The following CRACD variants were observed in gnomAD, a reference collection of about 807,000 sequenced individuals.
The protein encoded by CRACD is capping protein-inhibiting regulator of actin dynamics.
In CRACD, 56 loss-of-function variants were observed where a neutral mutation model predicts 106.8. The ratio of observed to expected loss-of-function variants is 0.52; its 90% CI spans 0.42 to 0.66. CRACD has a LOEUF of 0.66. CRACD is among the 30% of genes least tolerant of loss of function. CRACD has a pLI of 0.00. For missense variants in CRACD, 1,730 were observed against 1,623.2 expected (o/e 1.07, Z -1.13); for synonymous variants, 754 against 670.8 (o/e 1.12, Z -1.92).
chr4:56,228,822 A>G (rs1486446417), intron 2 of CRACD, among the ~76,000 whole-genome samples: 8 of 152,160 alleles, frequency 5.3e-5, no homozygotes, highest in Non-Finnish European at 1.2e-4. Flanking sequence ...AGTGAAAAGT[A>G]TATTGTGATA....
chr4:56,247,312 T>C (rs1740739988), intron 2 of CRACD, among the ~76,000 whole-genome samples: 1 of 152,206 alleles, frequency 6.6e-6, no homozygotes, highest in Admixed American at 6.5e-5. Context: ...GAAGCAGTAT[T>C]CTTATGATAG....
intron 1 of CRACD, among the ~76,000 whole-genome samples, chr4:56,057,496 T>C (rs1220480868): frequency 6.6e-6 from 1 of 152,208 alleles, no homozygotes; most frequent in Non-Finnish European, 1.5e-5. Flanking sequence ...CCTTCCTCTG[T>C]AGGTCAGAGG....
intron 2 of CRACD, among the ~76,000 whole-genome samples, chr4:56,181,263 G>A (rs1235853227): frequency 6.6e-6 from 1 of 152,190 alleles, no homozygotes; most frequent in Non-Finnish European, 1.5e-5. Context: ...GTCAGGAGTT[G>A]GCCCTGGGCC....
At position 56,263,528 on chromosome 4, in the gene CRACD, A is replaced by G. The variant is rs904132810; in HGVS notation, c.-188-8793A>G. Among the ~76,000 whole-genome samples, 3 of 152,196 alleles carry G rather than the reference A, an allele frequency of 2.0e-5. No homozygotes were observed. In the East Asian group the frequency reaches 5.8e-4, roughly 29 times the overall value. On this transcript the variant is annotated intron_variant, in intron 2 of 10. Transcript: ENST00000682029. ...GATGGCCATCTTATCCTATGTCTTC[A>G]TATTGCCTTCCCTCAGTGTATGTCT...
Position 56,314,709 on chromosome 4 carries a change from G to A in CRACD, c.1207G>A (p.Glu403Lys), listed in dbSNP as rs1203458748. Reference sequence around the variant, plus strand: ...GGGCGCGGAGGAGGAGGATCTGGGGGAAGAGGAGGAGGAGGGCCAGGCGCA... The same window carrying A: ...GGGCGCGGAGGAGGAGGATCTGGGGAAAGAGGAGGAGGAGGGCCAGGCGCA... The part of the protein sequence containing the change: ...RRGAEEEDLG[E>K]EEEEGQAHLE... The change falls in exon 8 of 11, where the codon GAA (glutamate) becomes AAA (lysine). Residue 403 changes from glutamate to lysine, a missense_variant. Transcript: ENST00000682029. This position sits in a 1 kb window ranked among gnomAD's most constrained non-coding sequence, Gnocchi z 4.4. 7 of 1,562,720 alleles carry A rather than the reference G, an allele frequency of 4.5e-6. No individual in the cohort carries two copies. The highest frequency in any genetic ancestry group is 5.2e-6 in the Non-Finnish European group (6 of 1,153,530).
chr4:56,066,468 A>G (rs1400593695), intron 1 of CRACD, among the ~76,000 whole-genome samples: 1 of 152,164 alleles, frequency 6.6e-6, no homozygotes. Context: ...ACTTAAGTCC[A>G]GGAGGTTGAG....
chr4:56,279,037 G>A (rs930889425), intron 3 of CRACD, among the ~76,000 whole-genome samples: 2 of 152,092 alleles, frequency 1.3e-5, no homozygotes, highest in East Asian at 3.8e-4. Context: ...CTCACACATT[G>A]CTGGTGGGAA....
At chr4:56,216,984 C>A (rs1180071955) in intron 2 of CRACD, among the ~76,000 whole-genome samples, 5 of 97,584 alleles carry the variant, frequency 5.1e-5, no homozygotes, top group Admixed American at 2.7e-4. Flanking sequence ...GAGACTCCGT[C>A]TCAAAAAAAA....
chr4:56,158,742 C>A (rs866263118), intron 1 of CRACD, among the ~76,000 whole-genome samples: 2 of 152,174 alleles, frequency 1.3e-5, no homozygotes, highest in Non-Finnish European at 2.9e-5. Flanking sequence ...ACAGAGCTGA[C>A]GCAGCCATCA....
chr4:56,096,705 A>T (rs1277488897), intron 1 of CRACD, among the ~76,000 whole-genome samples: 3 of 152,068 alleles, frequency 2.0e-5, no homozygotes, highest in Non-Finnish European at 4.4e-5. Context: ...ATGAGGACTG[A>T]GAAGTGACCA....
intron 2 of CRACD, chr4:56,246,790 G>T (rs1740707429): frequency 6.6e-6 from 1 of 152,214 alleles, no homozygotes; most frequent in Non-Finnish European, 1.5e-5. Context: ...ACAGGCATCT[G>T]TTGTCACCCT....
intron 1 of CRACD, among the ~76,000 whole-genome samples, chr4:56,172,629 AT>A (rs952890770): frequency 1.1e-3 from 164 of 144,846 alleles, no homozygotes; most frequent in East Asian, 6.3e-3. Context: ...CGCCCAGCTA[AT>A]TTTTTTTTTT....
chr4:56,228,607 CAAAAAAA>C (rs35810086), intron 2 of CRACD, among the ~76,000 whole-genome samples: 2 of 101,546 alleles, frequency 2.0e-5, no homozygotes, highest in South Asian at 6.1e-4. Context: ...CCATCTCTAC[CAAAAAAA>C]AAAAAAAAAA....
At chr4:56,294,633 G>A (rs1743882593) in intron 3 of CRACD, among the ~76,000 whole-genome samples, 4 of 152,142 alleles carry the variant, frequency 2.6e-5, no homozygotes, top group African/African-American at 9.7e-5. Context: ...TTATGTAGAA[G>A]CCAGGTGTGG....
At position 56,316,480 on chromosome 4, in the gene CRACD, C is replaced by T. The variant is rs79900113; in HGVS notation, c.2978C>T (p.Ala993Val). The change falls in exon 8 of 11, where the codon GCG becomes GTG. Residue 993 changes from alanine (A) to valine (V), a missense_variant. Physicochemically the swap from Ala to Val is moderately conservative, Grantham distance 64 (BLOSUM62 0). Around this residue, in one of 5 missense-constraint regions of CRACD, gnomAD observed 1,620 missense variants for 1,481.6 expected, o/e 1.09. Coordinates refer to ENST00000682029, the MANE Select transcript of CRACD (RefSeq NM_001393381.1). Reference protein sequence around the residue: ...PYLVELLSRRAGRPDPEPSEP... With the variant: ...PYLVELLSRRVGRPDPEPSEP... Reference sequence around the variant, plus strand: ...TTGGTAGAGCTGCTGTCTCGCCGAGCGGGGAGGCCGGACCCAGAGCCAAGT... The same window carrying T: ...TTGGTAGAGCTGCTGTCTCGCCGAGTGGGGAGGCCGGACCCAGAGCCAAGT... 3.1e-6 allele frequency: 5 copies of T among 1,613,808 alleles called. No individual in the cohort carries two copies. The highest frequency in any genetic ancestry group is 2.2e-5 in the East Asian group (1 of 44,864).
At chr4:56,298,843 G>C (rs1017484764) in intron 4 of CRACD, among the ~76,000 whole-genome samples, 2 of 152,282 alleles carry the variant, frequency 1.3e-5, no homozygotes, top group East Asian at 3.9e-4. Flanking sequence ...TGAGGCAGGA[G>C]AATCACTTGA....
intron 2 of CRACD, among the ~76,000 whole-genome samples, chr4:56,230,341 T>G (rs1417225861): frequency 6.6e-6 from 1 of 152,006 alleles, no homozygotes; most frequent in Non-Finnish European, 1.5e-5. Flanking sequence ...GAATCTTGGG[T>G]GGTGATTTGG....
intron 2 of CRACD, among the ~76,000 whole-genome samples, chr4:56,269,656 C>T (rs1742235007): frequency 6.6e-6 from 1 of 151,336 alleles, no homozygotes; most frequent in African/African-American, 2.4e-5. Context: ...GCCTTCGCCT[C>T]CCAGGTTTGA....
chr4:56,175,526 G>T (rs796734096), intron 1 of CRACD, among the ~76,000 whole-genome samples: 1 of 151,930 alleles, frequency 6.6e-6, no homozygotes, highest in East Asian at 1.9e-4. Flanking sequence ...ATTTTTGTGG[G>T]TATGTAGTTA....
Sources: allele counts gnomAD v4.1 joint callset (sites outside exome capture counted in the v4.1 genomes callset), GRCh38; gene constraint gnomAD v4.1.1; regional missense constraint gnomAD v4.1.1; non-coding constraint Gnocchi (gnomAD v3.1); transcripts MANE v1.5; gene names NCBI Gene and HGNC (gene_info 2026-07-23, HGNC 2026-07-21).